The following TBXAS1 variants were observed in gnomAD, a reference collection of about 807,000 sequenced individuals.
TBXAS1 encodes thromboxane-A synthase.
TBXAS1 carries 48 observed loss-of-function variants against 60.7 expected under a neutral mutation model. The ratio of observed to expected loss-of-function variants is 0.79; its 90% CI spans 0.63 to 1.01. The LOEUF (loss-of-function observed/expected upper bound fraction) is 1.01, where lower values mean the gene tolerates loss of function less well. TBXAS1 is among the 50% of genes least tolerant of loss of function. TBXAS1 has a pLI of 0.00. For synonymous variants in TBXAS1, 287 were observed against 269.7 expected, an observed-to-expected ratio of 1.06 and a Z score of -0.63; for missense variants, 685 against 686.3, an observed-to-expected ratio of 1.00 and a Z score of 0.02.
chr7:139,937,100 C>A (rs1222597721), intron 5 of TBXAS1, among the ~76,000 whole-genome samples: 8 of 152,184 alleles, frequency 5.3e-5, no homozygotes, highest in Admixed American at 2.0e-4. Context: ...AGCCTGACAG[C>A]CCCCTCAATT....
Position 139,995,537 on chromosome 7 carries a change from C to A in TBXAS1, c.1135-11554C>A, listed in dbSNP as rs1013469123. On this transcript the variant is annotated intron_variant, in intron 9 of 12. Coordinates refer to ENST00000448866, the MANE Select transcript of TBXAS1 (RefSeq NM_001061.7). ...AGACCGGTCCAGAGGTGGAGGGCACCTTGGGGTCTCTCGTGTGGCTCTCCT... is the reference window on the plus strand; with the variant it reads ...AGACCGGTCCAGAGGTGGAGGGCACATTGGGGTCTCTCGTGTGGCTCTCCT... 9.2e-5 allele frequency among the ~76,000 whole-genome samples: 14 copies of A among 152,272 alleles called. No homozygotes were observed. The South Asian group carries it at 1.0e-3, about 11-fold the overall frequency.
chr7:139,844,816 C>T (rs1799693482), intron 1 of TBXAS1, among the ~76,000 whole-genome samples: 1 of 152,178 alleles, frequency 6.6e-6, no homozygotes, highest in Non-Finnish European at 1.5e-5. Flanking sequence ...GGGAGGTTCT[C>T]AGGAGAAGTG....
At position 140,013,039 on chromosome 7, in the gene TBXAS1, C is replaced by T. The variant is rs1375408739; in HGVS notation, c.1227-2684C>T. ...TTGGGCAAGATGAGTGAGCTGAGATCGCGCCACTGCACTCCAGCCTGGGCA... is the reference window on the plus strand; with the variant it reads ...TTGGGCAAGATGAGTGAGCTGAGATTGCGCCACTGCACTCCAGCCTGGGCA... On this transcript the variant is annotated intron_variant, in intron 10 of 12. Coordinates refer to ENST00000448866, the MANE Select transcript of TBXAS1 (RefSeq NM_001061.7). The surrounding 1 kb of genome is among the most constrained non-coding windows in gnomAD (Gnocchi z 4.2). Among the ~76,000 whole-genome samples, 3 of 148,792 alleles carry T rather than the reference C, an allele frequency of 2.0e-5. No homozygotes were observed. Among genetic ancestry groups the T allele is most frequent in the African/African-American group, 2.5e-5 (1 of 40,042 alleles).
At chr7:140,002,455 C>T (rs1463640206) in intron 9 of TBXAS1, among the ~76,000 whole-genome samples, 1 of 152,280 alleles carries the variant, frequency 6.6e-6, no homozygotes, top group East Asian at 1.9e-4. Flanking sequence ...CCTCATTTAG[C>T]ATGCGCTTGT....
intron 1 of TBXAS1, among the ~76,000 whole-genome samples, chr7:139,842,196 C>T (rs1799494636): frequency 6.6e-6 from 1 of 152,016 alleles, no homozygotes; most frequent in Admixed American, 6.6e-5. Context: ...ATGGTCATAC[C>T]TTCTCTCGTC....
intron 1 of TBXAS1, among the ~76,000 whole-genome samples, chr7:139,833,469 G>C (rs1432040168): frequency 7.2e-6 from 1 of 139,278 alleles, no homozygotes; most frequent in Non-Finnish European, 1.5e-5. Flanking sequence ...TTCGTGACCA[G>C]TGTGGCCAAC....
At chr7:139,874,728 G>C (rs1456816539) in intron 2 of TBXAS1, among the ~76,000 whole-genome samples, 1 of 151,648 alleles carries the variant, frequency 6.6e-6, no homozygotes, top group East Asian at 1.9e-4. Context: ...TTCAGGTCTA[G>C]TCCATTCCCA....
At chr7:140,014,455 T>C (rs1331836688) in intron 10 of TBXAS1, among the ~76,000 whole-genome samples, 2 of 152,004 alleles carry the variant, frequency 1.3e-5, no homozygotes, top group Non-Finnish European at 2.9e-5. Context: ...AAGTTGAATC[T>C]GGGAGGGCAG....
chr7:139,836,307 G>GA (rs1231400432), intron 1 of TBXAS1, among the ~76,000 whole-genome samples: 13 of 152,156 alleles, frequency 8.5e-5, no homozygotes, highest in Admixed American at 8.5e-4. Flanking sequence ...CACAGAATTA[G>GA]AAAAAACAAT....
intron 4 of TBXAS1, among the ~76,000 whole-genome samples, chr7:139,795,969 T>C (rs1797556163): frequency 6.6e-6 from 1 of 152,146 alleles, no homozygotes; most frequent in Non-Finnish European, 1.5e-5. Flanking sequence ...GGGCATATTA[T>C]ATACCCTTAA....
chr7:139,833,168 C>T (rs1035623923), intron 1 of TBXAS1, among the ~76,000 whole-genome samples: 3 of 152,128 alleles, frequency 2.0e-5, no homozygotes, highest in Admixed American at 1.3e-4. Flanking sequence ...ATGTAAATGG[C>T]CTAAATGCTC....
chr7:139,882,746 C>T (rs1390478632), intron 3 of TBXAS1, among the ~76,000 whole-genome samples: 1 of 152,202 alleles, frequency 6.6e-6, no homozygotes. Context: ...GGTCCCCTAG[C>T]TTGGTGAAAG....
chr7:139,920,545 T>A (rs1202204541), intron 4 of TBXAS1, among the ~76,000 whole-genome samples: 1 of 152,190 alleles, frequency 6.6e-6, no homozygotes, highest in Non-Finnish European at 1.5e-5. Flanking sequence ...TTGCAAGAGA[T>A]GCCAAGGAAG....
At chr7:139,809,630 G>A (rs1797978630) in intron 4 of TBXAS1, among the ~76,000 whole-genome samples, 1 of 152,178 alleles carries the variant, frequency 6.6e-6, no homozygotes, top group Non-Finnish European at 1.5e-5. Flanking sequence ...GAAGGCTTGA[G>A]AACTTGAGGG....
chr7:139,881,787 A>G (rs1347727274), intron 3 of TBXAS1, among the ~76,000 whole-genome samples: 1 of 152,202 alleles, frequency 6.6e-6, no homozygotes, highest in African/African-American at 2.4e-5. Context: ...AGGGCCTGAC[A>G]CTTAGCTTCA....
At chr7:140,014,152 G>C (rs561202986) in intron 10 of TBXAS1, among the ~76,000 whole-genome samples, 1 of 152,292 alleles carries the variant, frequency 6.6e-6, no homozygotes, top group African/African-American at 2.4e-5. Flanking sequence ...AGGTCAATGA[G>C]AGACGAGAAT....
intron 4 of TBXAS1, among the ~76,000 whole-genome samples, chr7:139,809,237 A>AGATAGAT (rs1569493088): frequency 3.6e-3 from 139 of 38,890 alleles, no homozygotes; most frequent in Non-Finnish European, 4.9e-3. Flanking sequence ...GATAGATGAT[A>AGATAGAT]GATAGATAGA....
intron 11 of TBXAS1, chr7:140,016,570 C>T (rs1585066442): frequency 1.2e-5 from 2 of 169,126 alleles, no homozygotes; most frequent in Middle Eastern, 5.0e-4. Flanking sequence ...GCATCTATGC[C>T]AAAACAACAG....
At chr7:139,782,289 G>A (rs1000967042) in intron 2 of TBXAS1, among the ~76,000 whole-genome samples, 2 of 151,336 alleles carry the variant, frequency 1.3e-5, no homozygotes, top group African/African-American at 2.4e-5. Flanking sequence ...CAATAATAAA[G>A]GCAAGAAAAC....
Sources: gnomAD v4.1 joint callset for allele counts (sites outside exome capture counted in the v4.1 genomes callset) on GRCh38, gnomAD v4.1.1 for gene constraint, Gnocchi (gnomAD v3.1) non-coding constraint, MANE v1.5 for transcripts, NCBI Gene and HGNC (gene_info 2026-07-23, HGNC 2026-07-21) for gene names.